TMEM234: variants seen among roughly 807,000 people sequenced by gnomAD.
The protein encoded by TMEM234 is chromosome 1 open reading frame 91.
In TMEM234, 21 loss-of-function variants were observed where a neutral mutation model predicts 17.8. That is an observed-to-expected ratio of 1.18 (90% CI 0.84 to 1.70). The LOEUF is 1.70. Ranked by LOEUF, TMEM234 falls within the 40% of genes most tolerant of loss-of-function variation. The pLI, the probability that TMEM234 is intolerant of heterozygous loss-of-function variation, is 0.00. For synonymous variants in TMEM234, 83 were observed against 73.5 expected (o/e 1.13, Z -0.66); for missense variants, 137 against 166.9 (o/e 0.82, Z 0.99).
Position 32,217,133 on chromosome 1 carries a change from G to A in TMEM234, c.328+126C>T, listed in dbSNP as rs1557540421. The A allele has an allele frequency of 1.9e-6, 3 of 1,583,618 alleles. No homozygotes were observed. The South Asian group carries it at 3.4e-5, about 18-fold the overall frequency. On this transcript the variant is annotated intron_variant, in intron 4 of 4. Transcript: ENST00000309777. ...ACAAGGAAGCAAAACAGCTGCAGAG[G>A]AAAGGGCAGGATGGGAAAAGGCCGT...
chr1:32,221,926 C>T lies in TMEM234; in HGVS notation c.109G>A (p.Glu37Lys), dbSNP rs769880191. 10 of 1,613,328 alleles carry T rather than the reference C, an allele frequency of 6.2e-6. No homozygotes were observed. The highest frequency in any genetic ancestry group is 8.5e-6 in the Non-Finnish European group (10 of 1,179,980). ...RASAGLQRVH[E>K]PTWAQQLLQE... ...AGCAACTGCTGGGCCCAGGTCGGCT[C>T]ATGAACCCGCTGCAGGCCGGCGGAG... Residue 37 changes from glutamate (E) to lysine (K), a missense_variant, in exon 2 of 5, where the codon GAG (glutamate) becomes AAG (lysine). By Grantham distance (56) the Glu-to-Lys change is moderately conservative. Coordinates refer to ENST00000309777, the MANE Select transcript of TMEM234 (RefSeq NM_019118.5).
At chr1:32,215,539 A>T, downstream of TMEM234, 1 of 1,613,192 alleles carries the variant, frequency 6.2e-7, no homozygotes. Context: ...GAGCCCTTGG[A>T]TCAGGTAAGC....
downstream of TMEM234, chr1:32,215,021 G>C (rs1161628992): frequency 6.6e-7 from 1 of 1,521,850 alleles, no homozygotes; most frequent in Non-Finnish European, 8.9e-7. Context: ...ATGTCCATGG[G>C]AGCAGAATGC....
At chr1:32,215,362 G>C, downstream of TMEM234, 1 of 1,226,540 alleles carries the variant, frequency 8.2e-7, no homozygotes, top group Non-Finnish European at 1.1e-6. Flanking sequence ...AGGGAAAGGG[G>C]CTAGCATGAA....
intron 4 of TMEM234, 37 bp downstream of exon 4, chr1:32,217,222 C>T: frequency 6.2e-7 from 1 of 1,614,204 alleles, no homozygotes; most frequent in Non-Finnish European, 8.5e-7. Context: ...TCGAGATCCA[C>T]AGAGCTGCGT....
intron 1 of TMEM234, 38 bp from the exon 2 acceptor site, chr1:32,222,056 CA>C: frequency 6.4e-7 from 1 of 1,562,090 alleles, no homozygotes; most frequent in Non-Finnish European, 8.7e-7. Flanking sequence ...ACCCCCACCC[CA>C]AACGGCCGCC....
intron 3 of TMEM234, among the ~76,000 whole-genome samples, 195 bp downstream of exon 3, chr1:32,220,936 G>C (rs980999263): frequency 6.6e-6 from 1 of 152,118 alleles, no homozygotes; most frequent in African/African-American, 2.4e-5. Flanking sequence ...ACCAACTCCA[G>C]TGCCTAGCAA....
At chr1:32,215,650 T>C, downstream of TMEM234, 1 of 1,158,162 alleles carries the variant, frequency 8.6e-7, no homozygotes, top group African/African-American at 1.6e-5. Context: ...TGATTGAAAG[T>C]AAATGATCTC....
chr1:32,216,965 A>T lies in TMEM234; in HGVS notation c.329-18T>A, dbSNP rs1638441706. 1.9e-6 allele frequency: 3 copies of T among 1,614,048 alleles called. No homozygotes were observed. Among genetic ancestry groups the T allele is most frequent in the Non-Finnish European group, 2.5e-6 (3 of 1,180,012 alleles). On this transcript the variant is annotated intron_variant, in intron 4 of 4. Coordinates refer to ENST00000309777, the MANE Select transcript of TMEM234 (RefSeq NM_019118.5). ...AACTGCTCCTGGGATAATAGGCAGA[A>T]ATCAGGAGGGTCTGAGCTCAGCCAT...
At position 32,216,207 on chromosome 1, in the gene TMEM234, A is replaced by G. The variant is rs1292677470; in HGVS notation, c.*646T>C. ...ATACTTACTAACCTCTTGTCTGTTT[A>G]CCATAGATTTATTGACAGCTACTAC... On this transcript the variant is annotated 3_prime_UTR_variant, in exon 5 of 5. Transcript: ENST00000309777. 2.1e-6 allele frequency: 2 copies of G among 968,050 alleles called. No homozygotes were observed. The highest frequency in any genetic ancestry group is 1.5e-6 in the Non-Finnish European group (1 of 669,890). 60.0% of individuals were successfully genotyped at this position (968,050 alleles called of 1,614,324 possible).
rs1209172612 is a variant in TMEM234, at chr1:32,216,782, CG to C, written c.*70del. The C allele has an allele frequency of 5.1e-6, 8 of 1,583,618 alleles. No homozygotes were observed. Among genetic ancestry groups the C allele is most frequent in the African/African-American group, 2.7e-5 (2 of 74,490 alleles). ...AGAGAGGGGAAGTGCTAGGTCCATC[CG>C]CTCACTGCCAGCACTTCATGGCCCA... On this transcript the variant is annotated 3_prime_UTR_variant, in exon 5 of 5. Coordinates refer to ENST00000309777, the MANE Select transcript of TMEM234 (RefSeq NM_019118.5).
intron 2 of TMEM234, 143 bp from the exon 3 acceptor site, chr1:32,221,340 T>C: frequency 1.5e-6 from 1 of 667,428 alleles, no homozygotes; most frequent in Non-Finnish European, 2.6e-6. Flanking sequence ...AGGAGGATCC[T>C]TCCAGGGCAA....
At chr1:32,220,634 G>A (rs1271336105) in intron 3 of TMEM234, among the ~76,000 whole-genome samples, 3 of 152,184 alleles carry the variant, frequency 2.0e-5, no homozygotes, top group African/African-American at 4.8e-5. Context: ...TGTAAGACTA[G>A]TGCAGTATCT....
intron 4 of TMEM234, 153 bp from the exon 5 acceptor site, chr1:32,217,100 T>C (rs1638459102): frequency 1.9e-6 from 3 of 1,565,802 alleles, no homozygotes; most frequent in East Asian, 4.8e-5. Context: ...AAGGGAACTC[T>C]GATGGCCACA....
At chr1:32,222,149 G>A in intron 1 of TMEM234, 131 bp from the exon 2 acceptor site, 2 of 1,502,364 alleles carry the variant, frequency 1.3e-6, no homozygotes, top group South Asian at 1.3e-5. Flanking sequence ...GGCTGCGACT[G>A]GCGGCTAAGG....
At chr1:32,221,266 T>G in intron 2 of TMEM234, 69 bp from the exon 3 acceptor site, 9 of 1,228,098 alleles carry the variant, frequency 7.3e-6, no homozygotes, top group African/African-American at 1.5e-5. Flanking sequence ...TTTGAGCTCC[T>G]AGCGAATGTC....
Position 32,216,771 on chromosome 1 carries a change from CTAGGTCCA to C in TMEM234, c.*74_*81del. 6.4e-7 allele frequency: 1 copy of C among 1,568,070 alleles called. No homozygotes were observed. The highest frequency in any genetic ancestry group is 8.7e-7 in the Non-Finnish European group (1 of 1,154,352). On this transcript the variant is annotated 3_prime_UTR_variant, in exon 5 of 5. Coordinates refer to ENST00000309777, the MANE Select transcript of TMEM234 (RefSeq NM_019118.5). The stretch of plus-strand genomic sequence containing the variant: ...AAGCTAAGGCCAGAGAGGGGAAGTG[CTAGGTCCA>C]TCCGCTCACTGCCAGCACTTCATGG...
At chr1:32,215,235 A>T (rs1638278263), downstream of TMEM234, 2 of 599,932 alleles carry the variant, frequency 3.3e-6, no homozygotes, top group Non-Finnish European at 5.8e-6. Flanking sequence ...GGCAGTGCTT[A>T]AAGCGATAAG....
chr1:32,214,626 C>A, downstream of TMEM234: 1 of 895,620 alleles, frequency 1.1e-6, no homozygotes, highest in Non-Finnish European at 1.7e-6. Context: ...CTGGATAAGT[C>A]AGGCTGGTGG....
Sources: gnomAD v4.1 joint callset for allele counts (sites outside exome capture counted in the v4.1 genomes callset) on GRCh38, gnomAD v4.1.1 for gene constraint, MANE v1.5 for transcripts, NCBI Gene and HGNC (gene_info 2026-07-23, HGNC 2026-07-21) for gene names.